The following PODXL variants were observed in gnomAD, a reference collection of about 807,000 sequenced individuals.
The protein encoded by PODXL is podocalyxin like, also known as podocalyxin.
A neutral mutation model predicts 48.9 loss-of-function variants in PODXL; 20 were observed. The observed-to-expected ratio is 0.41, with a 90% CI of 0.29 to 0.59. PODXL has a LOEUF of 0.59. Among genes scored for constraint, PODXL ranks in the 20% least tolerant of loss-of-function variants. The probability of loss-of-function intolerance (pLI) is 0.31; values close to 1 mark genes in which losing one functional copy is unlikely to be tolerated. For synonymous variants in PODXL, 295 were observed against 287.4 expected, an observed-to-expected ratio of 1.03 and a Z score of -0.27; for missense variants, 606 against 675.1, an observed-to-expected ratio of 0.90 and a Z score of 1.13.
Position 131,509,026 on chromosome 7 carries a change from T to C in PODXL, c.1026A>G (p.Ala342=), listed in dbSNP as rs762600263. Residue 342 remains alanine, a splice_region_variant and synonymous_variant, in exon 5 of 9, where the codon GCA becomes GCG. Transcript: ENST00000378555. ...TCTGTGTCTCAAGATCCTCACACTT[T>C]GCCTGGAAGAAGCCACTGAGATTAA... The part of the protein sequence containing the change: ...SPTVAHESNW[A]KCEDLETQTQ... 4 of 1,613,332 alleles carry C rather than the reference T, an allele frequency of 2.5e-6. No homozygotes were observed. The South Asian group carries it at 3.3e-5, about 13-fold the overall frequency.
Position 131,526,981 on chromosome 7 carries a change from C to T in PODXL, c.101-15548G>A, listed in dbSNP as rs182168383. ...CTCAAACTCCTGACCTCAAGTGATC[C>T]ACCCATCTTGGCCTCCCAAAGTGCT... On this transcript the variant is annotated intron_variant, in intron 1 of 8. Coordinates refer to ENST00000378555, the MANE Select transcript of PODXL (RefSeq NM_001018111.3). Among the ~76,000 whole-genome samples, 6 of 152,202 alleles carry T rather than the reference C, an allele frequency of 3.9e-5. No homozygotes were observed. In the East Asian group the frequency reaches 1.2e-3, roughly 29 times the overall value.
chr7:131,530,108 G>A (rs1443593245), intron 1 of PODXL, among the ~76,000 whole-genome samples: 1 of 152,118 alleles, frequency 6.6e-6, no homozygotes, highest in East Asian at 1.9e-4. Context: ...AGGGCCTGGT[G>A]TGATGCCATT....
intron 1 of PODXL, among the ~76,000 whole-genome samples, chr7:131,533,753 CTG>C (rs1404062094): frequency 6.6e-6 from 1 of 152,214 alleles, no homozygotes; most frequent in Non-Finnish European, 1.5e-5. Flanking sequence ...AGGTGCCCCT[CTG>C]TAACTCCCCA....
At chr7:131,534,721 A>C (rs1798341641) in intron 1 of PODXL, among the ~76,000 whole-genome samples, 1 of 152,206 alleles carries the variant, frequency 6.6e-6, no homozygotes, top group Admixed American at 6.5e-5. Context: ...ACTCTGGAGG[A>C]AGAAGGCAGG....
intron 1 of PODXL, among the ~76,000 whole-genome samples, chr7:131,547,438 C>T (rs1412919360): frequency 6.6e-6 from 1 of 150,532 alleles, no homozygotes; most frequent in Admixed American, 6.6e-5. Context: ...AGAGGCACCA[C>T]CTACATGATC....
In PODXL at chr7:131,521,755, C is replaced by T. The variant is rs1355429479; in HGVS notation, c.101-10322G>A. Among the ~76,000 whole-genome samples, 3 of 152,150 alleles carry T rather than the reference C, an allele frequency of 2.0e-5. No homozygotes were observed. The East Asian group carries it at 5.8e-4, about 29-fold the overall frequency. The stretch of plus-strand genomic sequence containing the variant: ...CACAGGGCAGTTTACTCCTGGGAAC[C>T]CCGCCAGGTGCTCATAGGAAGCCTT... On this transcript the variant is annotated intron_variant, in intron 1 of 8. Transcript: ENST00000378555.
rs371720009 is a variant in PODXL, at chr7:131,511,055, C to A, written c.479G>T (p.Gly160Val). ...TGTGGTCACACTGTGGCTGCTTTTC[C>A]CCCCAGAGTTTGTTGTATCTTCTGC... Reference protein sequence around the residue: ...NGAEDTTNSGGKSSHSVTTDL... With the variant: ...NGAEDTTNSGVKSSHSVTTDL... Residue 160 changes from glycine to valine, a missense_variant, in exon 2 of 9, where the codon GGG becomes GTG. By Grantham distance (109) the Gly-to-Val change is moderately radical. Coordinates refer to ENST00000378555, the MANE Select transcript of PODXL (RefSeq NM_001018111.3). 19 of 1,613,876 alleles carry A rather than the reference C, an allele frequency of 1.2e-5. No homozygotes were observed. In the East Asian group the frequency reaches 1.3e-4, roughly 11 times the overall value.
chr7:131,506,531 T>C (rs1797805579), intron 6 of PODXL, 48 bp downstream of exon 6: 2 of 1,590,910 alleles, frequency 1.3e-6, no homozygotes, highest in South Asian at 1.1e-5. Context: ...ATGCCCCCCA[T>C]TCCCACCCAT....
intron 1 of PODXL, among the ~76,000 whole-genome samples, chr7:131,534,217 C>A (rs1798329787): frequency 6.6e-6 from 1 of 152,122 alleles, no homozygotes; most frequent in South Asian, 2.1e-4. Context: ...CATGGCTGAT[C>A]TGGGGAGGGG....
At chr7:131,530,140 T>C (rs1798252173) in intron 1 of PODXL, among the ~76,000 whole-genome samples, 1 of 151,446 alleles carries the variant, frequency 6.6e-6, no homozygotes, top group Non-Finnish European at 1.5e-5. Flanking sequence ...CAGGTTGAGG[T>C]CTACACCCCA....
chr7:131,517,049 T>TG (rs1425991602), intron 1 of PODXL, among the ~76,000 whole-genome samples: 2 of 152,098 alleles, frequency 1.3e-5, no homozygotes, highest in Non-Finnish European at 2.9e-5. Context: ...AAAATAATAG[T>TG]GCATCCTATA....
chr7:131,520,292 A>G, intron 1 of PODXL: 1 of 518,308 alleles, frequency 1.9e-6, no homozygotes, highest in Non-Finnish European at 3.8e-6. Flanking sequence ...GAAATTTGCC[A>G]TGAAAGAGAT....
At chr7:131,544,641 ACGCACGCCCTGTACTACG>A (rs1562917748) in intron 1 of PODXL, among the ~76,000 whole-genome samples, 5 of 16,936 alleles carry the variant, frequency 3.0e-4, no homozygotes, top group Non-Finnish European at 2.2e-3. Flanking sequence ...GGGCCTCCGC[ACGCACGCCCTGTACTACG>A]CACGCACGCC....
At chr7:131,527,858 C>G (rs1323971640) in intron 1 of PODXL, among the ~76,000 whole-genome samples, 2 of 150,940 alleles carry the variant, frequency 1.3e-5, no homozygotes, top group African/African-American at 4.9e-5. Flanking sequence ...TGTGCCAACT[C>G]AGCACCAGTA....
At chr7:131,555,706 G>T (rs1355163990) in intron 1 of PODXL, among the ~76,000 whole-genome samples, 3 of 152,168 alleles carry the variant, frequency 2.0e-5, no homozygotes, top group Non-Finnish European at 4.4e-5. Flanking sequence ...CCCAGCACGG[G>T]CTCAAGGAGT....
intron 1 of PODXL, among the ~76,000 whole-genome samples, chr7:131,540,684 C>G (rs1387918789): frequency 6.6e-6 from 1 of 152,154 alleles, no homozygotes; most frequent in Non-Finnish European, 1.5e-5. Context: ...TCTGAGGGAG[C>G]ACGTTGTCTT....
chr7:131,504,074 CTCA>C lies in PODXL; in HGVS notation c.*234_*236del. ...CTTACGTGGCTTTTTCTTGATCTCCCTCATCATCCAGCAGCACTGAGCTCAGGC... is the reference window on the plus strand; with the variant it reads ...CTTACGTGGCTTTTTCTTGATCTCCCTCATCCAGCAGCACTGAGCTCAGGC... On this transcript the variant is annotated 3_prime_UTR_variant, in exon 9 of 9. Transcript: ENST00000378555. The C allele has an allele frequency of 1.8e-6, 1 of 562,236 alleles. No homozygotes were observed. The highest frequency in any genetic ancestry group is 3.2e-6 in the Non-Finnish European group (1 of 314,944). 34.8% of individuals were successfully genotyped at this position (562,236 alleles called of 1,614,324 possible). A position where few individuals can be genotyped will look rare whatever the true frequency, so the allele number is the denominator to read the frequency against.
Position 131,521,627 on chromosome 7 carries a change from C to T in PODXL, c.101-10194G>A, listed in dbSNP as rs113940310. Among the ~76,000 whole-genome samples the T allele has an allele frequency of 1.3e-3, 203 of 152,236 alleles. 3 individuals carry two copies. Among genetic ancestry groups the T allele is most frequent in the African/African-American group, 4.8e-3 (199 of 41,534 alleles). On this transcript the variant is annotated intron_variant, in intron 1 of 8. Coordinates refer to ENST00000378555, the MANE Select transcript of PODXL (RefSeq NM_001018111.3). ...GGATTACAGACGTGAGCCACCACAC[C>T]CAGCTGATTAAAGACAATTTTCAAA...
At chr7:131,552,265 C>T (rs1798680594) in intron 1 of PODXL, among the ~76,000 whole-genome samples, 1 of 152,206 alleles carries the variant, frequency 6.6e-6, no homozygotes, top group Non-Finnish European at 1.5e-5. Flanking sequence ...AGGGCCTCAC[C>T]GCATGGTGGA....
Sources: gnomAD v4.1 joint callset for allele counts (sites outside exome capture counted in the v4.1 genomes callset) on GRCh38, gnomAD v4.1.1 for gene constraint, MANE v1.5 for transcripts, NCBI Gene and HGNC (gene_info 2026-07-23, HGNC 2026-07-21) for gene names.